CNTN4: variants seen among roughly 807,000 people sequenced by gnomAD.
The protein encoded by CNTN4 is contactin 4.
Under a neutral mutation model 122.5 loss-of-function variants are expected in CNTN4, and 77 were observed. The observed-to-expected ratio is 0.63, with a 90% CI of 0.52 to 0.76. CNTN4 has a LOEUF of 0.76. Ranked by LOEUF, CNTN4 falls within the 30% of genes least tolerant of loss-of-function variation. CNTN4 has a pLI of 0.00. For synonymous variants in CNTN4, 512 were observed against 447.0 expected (o/e 1.15, Z -1.83); for missense variants, 1,256 against 1,259.1 (o/e 1.00, Z 0.04).
chr3:2,555,786 G>A (rs1257547303), intron 3 of CNTN4, among the ~76,000 whole-genome samples: 1 of 152,188 alleles, frequency 6.6e-6, no homozygotes, highest in African/African-American at 2.4e-5. Flanking sequence ...GTGAAAGTAT[G>A]TAAGGTAGGT....
chr3:2,156,703 A>C (rs1160142956), intron 2 of CNTN4, among the ~76,000 whole-genome samples: 1 of 152,202 alleles, frequency 6.6e-6, no homozygotes, highest in Non-Finnish European at 1.5e-5. Context: ...TATCACAGAC[A>C]GCGTTAACTC....
chr3:2,929,524 A>T (rs1385470486), intron 13 of CNTN4, among the ~76,000 whole-genome samples: 4 of 152,214 alleles, frequency 2.6e-5, no homozygotes, highest in Admixed American at 2.6e-4. Flanking sequence ...ACAAACGAGA[A>T]TTCATTGGCT....
intron 2 of CNTN4, among the ~76,000 whole-genome samples, chr3:2,176,175 C>T (rs1002645180): frequency 2.6e-5 from 4 of 152,110 alleles, no homozygotes; most frequent in Non-Finnish European, 5.9e-5. Context: ...AATGACAGGC[C>T]TTCTAGGATG....
chr3:2,766,725 G>A (rs2090878224), intron 6 of CNTN4, among the ~76,000 whole-genome samples: 1 of 151,738 alleles, frequency 6.6e-6, no homozygotes, highest in Admixed American at 6.6e-5. Context: ...AATACCCCCT[G>A]TTCCCCCAAA....
At chr3:2,671,615 T>A (rs2150379818) in intron 4 of CNTN4, among the ~76,000 whole-genome samples, 1 of 152,318 alleles carries the variant, frequency 6.6e-6, no homozygotes, top group South Asian at 2.1e-4. Flanking sequence ...CCATCTGCTT[T>A]GTTCTGTTGC....
intron 2 of CNTN4, among the ~76,000 whole-genome samples, chr3:2,165,760 C>G (rs1169729379): frequency 6.6e-6 from 1 of 151,994 alleles, no homozygotes; most frequent in African/African-American, 2.4e-5. Flanking sequence ...CTTTTGGATT[C>G]CACATATAAG....
In CNTN4 at chr3:2,925,557, A is replaced by G. The variant is rs534604098; in HGVS notation, c.1208-72A>G. On this transcript the variant is annotated intron_variant, in intron 12 of 24. Coordinates refer to ENST00000418658, the MANE Select transcript of CNTN4 (RefSeq NM_175607.3). ...AAGACTCTGTCTCAAAAAAGAAAGA[A>G]AGAAAAAGACTAAGGAATTATCTCA... 1.3e-3 allele frequency: 2,023 copies of G among 1,513,422 alleles called. 3 individuals carry two copies. Among genetic ancestry groups the G allele is most frequent in the Non-Finnish European group, 1.4e-3 (1,483 of 1,098,446 alleles). 93.7% of individuals were successfully genotyped at this position (1,513,422 alleles called of 1,614,324 possible). A position where few individuals can be genotyped will look rare whatever the true frequency, so the allele number is the denominator to read the frequency against.
At chr3:2,850,792 G>A (rs1033441789) in intron 7 of CNTN4, among the ~76,000 whole-genome samples, 2 of 152,180 alleles carry the variant, frequency 1.3e-5, no homozygotes, top group African/African-American at 4.8e-5. Context: ...AAAATAACCA[G>A]GGAATTTAAA....
chr3:2,600,888 C>T (rs1424012300), intron 4 of CNTN4, among the ~76,000 whole-genome samples: 1 of 152,164 alleles, frequency 6.6e-6, no homozygotes, highest in Non-Finnish European at 1.5e-5. Flanking sequence ...TTAATGATCC[C>T]CATTCTAACT....
At chr3:3,031,426 T>C (rs968223527) in intron 16 of CNTN4, among the ~76,000 whole-genome samples, 5 of 152,192 alleles carry the variant, frequency 3.3e-5, no homozygotes, top group African/African-American at 1.2e-4. Flanking sequence ...TTCCCTAAAC[T>C]TCACAGTGCT....
chr3:2,298,967 C>A (rs1468815679), intron 2 of CNTN4, among the ~76,000 whole-genome samples: 1 of 151,902 alleles, frequency 6.6e-6, no homozygotes, highest in Non-Finnish European at 1.5e-5. Context: ...TGATAATCTT[C>A]TTTTAGCCAT....
At chr3:2,247,977 G>A (rs1474399502) in intron 2 of CNTN4, among the ~76,000 whole-genome samples, 1 of 151,750 alleles carries the variant, frequency 6.6e-6, no homozygotes, top group Non-Finnish European at 1.5e-5. Flanking sequence ...AAGAATAGCC[G>A]CACCCTCTCT....
intron 2 of CNTN4, among the ~76,000 whole-genome samples, chr3:2,207,870 G>C (rs4685496): frequency 0.08 from 12,239 of 152,130 alleles, 601 homozygotes; most frequent in East Asian, 0.23. Context: ...TGACTCTCTT[G>C]TTAGGAGCTA....
chr3:2,102,915 C>A (rs1319491430), intron 2 of CNTN4, among the ~76,000 whole-genome samples: 1 of 150,958 alleles, frequency 6.6e-6, no homozygotes, highest in Non-Finnish European at 1.5e-5. Flanking sequence ...CTTCTCCTAA[C>A]CCTTGCTTTT....
intron 7 of CNTN4, among the ~76,000 whole-genome samples, chr3:2,857,916 G>T (rs1457011596): frequency 1.3e-5 from 2 of 152,110 alleles, no homozygotes; most frequent in African/African-American, 4.8e-5. Context: ...GTTTTCTTCA[G>T]CACCATTCTT....
intron 2 of CNTN4, among the ~76,000 whole-genome samples, chr3:2,288,339 C>T (rs1336453967): frequency 6.6e-6 from 1 of 152,058 alleles, no homozygotes; most frequent in Admixed American, 6.5e-5. Context: ...GTACAGAGAT[C>T]ACAGGGCCAG....
chr3:2,618,539 A>G (rs931612664), intron 4 of CNTN4, among the ~76,000 whole-genome samples: 2 of 152,162 alleles, frequency 1.3e-5, no homozygotes, highest in Non-Finnish European at 2.9e-5. Flanking sequence ...ACAACAACCT[A>G]TGAAATAGGT....
chr3:2,812,311 TATAG>T (rs200688995), intron 6 of CNTN4, among the ~76,000 whole-genome samples: 2 of 152,326 alleles, frequency 1.3e-5, no homozygotes, highest in East Asian at 3.9e-4. Flanking sequence ...TTTACTGTTG[TATAG>T]AAACAATATT....
In CNTN4 at chr3:2,938,145, C is replaced by G. The variant is rs191921499; in HGVS notation, c.1358+12366C>G. ...CATTAAGTAGAAATGAGACTTTGAT[C>G]TCTCGTTATATCACTAATGTATTTT... On this transcript the variant is annotated intron_variant, in intron 13 of 24. Transcript: ENST00000418658. Among the ~76,000 whole-genome samples the G allele has an allele frequency of 3.6e-3, 555 of 152,284 alleles. 4 individuals carry two copies. Among genetic ancestry groups the G allele is most frequent in the African/African-American group, 0.013 (532 of 41,542 alleles).
Sources: gnomAD v4.1 joint callset for allele counts (sites outside exome capture counted in the v4.1 genomes callset) on GRCh38, gnomAD v4.1.1 for gene constraint, MANE v1.5 for transcripts, NCBI Gene and HGNC (gene_info 2026-07-23, HGNC 2026-07-21) for gene names.